The following LARGE1 variants were observed in gnomAD, a reference collection of about 807,000 sequenced individuals.
LARGE1 encodes the protein LARGE xylosyl- and glucuronyltransferase 1, also known as xylosyl- and glucuronyltransferase LARGE1.
In LARGE1, 43 loss-of-function variants were observed where a neutral mutation model predicts 87.6. That is an observed-to-expected ratio of 0.49 (90% CI 0.38 to 0.63). LARGE1 has a LOEUF of 0.63. LARGE1 is among the 30% of genes least tolerant of loss of function. The pLI, the probability that LARGE1 is intolerant of heterozygous loss-of-function variation, is 0.00. For missense variants in LARGE1, 802 were observed against 1,000.2 expected (o/e 0.80, Z 2.67); for synonymous variants, 434 against 394.6 (o/e 1.10, Z -1.18).
At chr22:33,690,579 G>A (rs1486947619) in intron 2 of LARGE1, among the ~76,000 whole-genome samples, 1 of 151,912 alleles carries the variant, frequency 6.6e-6, no homozygotes, top group African/African-American at 2.4e-5. Context: ...GGAGGGAAGT[G>A]TGGAAAACAG....
chr22:33,083,047 A>C, the LARGE1 span, among the ~76,000 whole-genome samples: 2 of 152,160 alleles, frequency 1.3e-5, no homozygotes, highest in Non-Finnish European at 2.9e-5. Context: ...AAAAATAAAA[A>C]TAATAAACTA....
chr22:33,598,387 A>T (rs1470908740), intron 5 of LARGE1, among the ~76,000 whole-genome samples: 1 of 152,204 alleles, frequency 6.6e-6, no homozygotes, highest in Non-Finnish European at 1.5e-5. Flanking sequence ...ATTCTTTATT[A>T]TTATACTTTA....
intron 9 of LARGE1, among the ~76,000 whole-genome samples, chr22:33,354,582 A>G (rs1373215333): frequency 6.6e-6 from 1 of 152,238 alleles, no homozygotes; most frequent in Non-Finnish European, 1.5e-5. Context: ...TGAATGTGTT[A>G]TCAAAATGCT....
At chr22:33,429,238 G>A (rs1379377674) in intron 7 of LARGE1, among the ~76,000 whole-genome samples, 1 of 152,138 alleles carries the variant, frequency 6.6e-6, no homozygotes, top group African/African-American at 2.4e-5. Context: ...GTTTTAAAGC[G>A]ACACATCCCC....
At chr22:33,768,759 T>C (rs2145795980) in intron 1 of LARGE1, among the ~76,000 whole-genome samples, 1 of 152,296 alleles carries the variant, frequency 6.6e-6, no homozygotes, top group Admixed American at 6.5e-5. Flanking sequence ...GACCAGCATC[T>C]AAGACCAAGG....
rs145723645 is a variant in LARGE1, at chr22:33,583,859, C to G, written c.616-18840G>C. ...TTTTACCTTGGAAGCTCCCTTAGCA[C>G]TTTCCAAGACACATATATAGGCATT... On this transcript the variant is annotated intron_variant, in intron 5 of 14. Transcript: ENST00000397394. Among the ~76,000 whole-genome samples the G allele has an allele frequency of 2.5e-3, 381 of 152,286 alleles. 2 individuals carry two copies. The highest frequency in any genetic ancestry group is 8.7e-3 in the African/African-American group (361 of 41,562).
intron 12 of LARGE1, among the ~76,000 whole-genome samples, chr22:33,295,923 AG>A: frequency 6.6e-6 from 1 of 152,334 alleles, no homozygotes; most frequent in South Asian, 2.1e-4. Flanking sequence ...TGTCAGTCAG[AG>A]AGGGGCAGGT....
intron 1 of LARGE1, among the ~76,000 whole-genome samples, chr22:33,766,947 T>C (rs372612713): frequency 2.0e-3 from 79 of 39,826 alleles, no homozygotes; most frequent in African/African-American, 2.6e-3. Context: ...TATATATATA[T>C]ATATATATAT....
chr22:33,536,204 T>C (rs189704719), intron 6 of LARGE1, among the ~76,000 whole-genome samples: 5 of 152,302 alleles, frequency 3.3e-5, no homozygotes, highest in Admixed American at 3.3e-4. Context: ...TTGAGGACAA[T>C]CTGCAGCTGT....
At chr22:33,198,765 T>C (rs933128057) in intron 11 of LARGE1, among the ~76,000 whole-genome samples, 11 of 152,088 alleles carry the variant, frequency 7.2e-5, no homozygotes, top group Admixed American at 6.5e-5. Context: ...GACACTTAGG[T>C]TAATTCCATA....
intron 1 of LARGE1, among the ~76,000 whole-genome samples, chr22:33,878,492 G>A (rs544434011): frequency 1.3e-4 from 20 of 152,200 alleles, no homozygotes; most frequent in Admixed American, 1.1e-3. Flanking sequence ...TTTCCTAAAC[G>A]AAGGCAATTC....
chr22:33,757,628 C>A (rs1034733615), intron 2 of LARGE1, among the ~76,000 whole-genome samples: 1 of 152,148 alleles, frequency 6.6e-6, no homozygotes, highest in African/African-American at 2.4e-5. Context: ...GAGTTCTTGG[C>A]TCTGCTCTCA....
intron 6 of LARGE1, among the ~76,000 whole-genome samples, chr22:33,552,882 TC>T (rs1435104354): frequency 2.0e-5 from 3 of 152,144 alleles, no homozygotes; most frequent in African/African-American, 7.2e-5. Flanking sequence ...CATATTTTGC[TC>T]CTAACATAAT....
At chr22:33,719,794 A>G (rs1444714000) in intron 2 of LARGE1, among the ~76,000 whole-genome samples, 1 of 152,098 alleles carries the variant, frequency 6.6e-6, no homozygotes, top group African/African-American at 2.4e-5. Flanking sequence ...TACTGGGATT[A>G]CAGACGTGAG....
At chr22:33,480,525 A>G (rs907882618) in intron 6 of LARGE1, among the ~76,000 whole-genome samples, 4 of 152,162 alleles carry the variant, frequency 2.6e-5, no homozygotes, top group African/African-American at 9.7e-5. Context: ...GCCTTCTTCC[A>G]GTAGAGGAGA....
chr22:33,788,634 G>C (rs1461140020), intron 1 of LARGE1, among the ~76,000 whole-genome samples: 4 of 152,198 alleles, frequency 2.6e-5, no homozygotes, highest in Non-Finnish European at 5.9e-5. Context: ...CTCAGATGGA[G>C]ATAAGAAACT....
At chr22:33,233,653 T>G (rs1487191009) in intron 11 of LARGE1, among the ~76,000 whole-genome samples, 1 of 152,154 alleles carries the variant, frequency 6.6e-6, no homozygotes, top group East Asian at 1.9e-4. Flanking sequence ...AGCTTCAATG[T>G]TGGTGAAAGT....
the LARGE1 span, among the ~76,000 whole-genome samples, chr22:33,107,063 T>G: frequency 9.6e-4 from 146 of 152,290 alleles, 1 homozygote; most frequent in African/African-American, 3.4e-3. Context: ...GCCACTTAAC[T>G]GAAAATACTT....
At chr22:33,361,697 A>G (rs777578214) in intron 9 of LARGE1, among the ~76,000 whole-genome samples, 2 of 124,352 alleles carry the variant, frequency 1.6e-5, no homozygotes, top group Admixed American at 1.6e-4. Flanking sequence ...TGAGATTCAG[A>G]TTCTGCATCA....
Sources: allele counts gnomAD v4.1 joint callset (sites outside exome capture counted in the v4.1 genomes callset), GRCh38; gene constraint gnomAD v4.1.1; transcripts MANE v1.5; gene names NCBI Gene and HGNC (gene_info 2026-07-23, HGNC 2026-07-21).